Variants in ANKFN1 observed in about 807,000 individuals in gnomAD.
ANKFN1 encodes ankyrin repeat and fibronectin type III domain containing 1.
In ANKFN1, 74 loss-of-function variants were observed where a neutral mutation model predicts 108.7. The ratio of observed to expected loss-of-function variants is 0.68; its 90% CI spans 0.56 to 0.83. The LOEUF (loss-of-function observed/expected upper bound fraction) is 0.83. Among genes scored for constraint, ANKFN1 ranks in the 40% least tolerant of loss-of-function variants. The pLI, the probability that ANKFN1 is intolerant of heterozygous loss-of-function variation, is 0.00. For missense variants in ANKFN1, 1,505 were observed against 1,382.3 expected (o/e 1.09, Z -1.41); for synonymous variants, 547 against 516.2 (o/e 1.06, Z -0.81).
intron 4 of ANKFN1, among the ~76,000 whole-genome samples, chr17:56,072,840 A>C (rs1468076105): frequency 1.3e-5 from 2 of 152,170 alleles, no homozygotes; most frequent in African/African-American, 2.4e-5. Flanking sequence ...GGGAAAGGGA[A>C]AGGAATATGT....
intron 4 of ANKFN1, among the ~76,000 whole-genome samples, chr17:56,081,908 G>A (rs1440038850): frequency 6.6e-6 from 1 of 152,178 alleles, no homozygotes; most frequent in Non-Finnish European, 1.5e-5. Context: ...CTCTTAGTGG[G>A]CGTGTGTGAG....
At chr17:56,264,592 A>G (rs768933685) in intron 3 of ANKFN1, among the ~76,000 whole-genome samples, 3 of 152,278 alleles carry the variant, frequency 2.0e-5, no homozygotes, top group African/African-American at 4.8e-5. Flanking sequence ...CTCAAAGTCA[A>G]TGAGTTCTCA....
At chr17:56,346,756 T>C (rs2046113268) in intron 4 of ANKFN1, among the ~76,000 whole-genome samples, 1 of 152,004 alleles carries the variant, frequency 6.6e-6, no homozygotes, top group Non-Finnish European at 1.5e-5. Context: ...TTTGAATCTT[T>C]ATGTGAAATT....
intron 18 of ANKFN1, among the ~76,000 whole-genome samples, chr17:56,483,636 T>C (rs2050777088): frequency 2.6e-5 from 4 of 152,236 alleles, no homozygotes; most frequent in Non-Finnish European, 4.4e-5. Flanking sequence ...GGATTCCCTA[T>C]TGTGTGACAC....
At chr17:56,229,646 T>G (rs944957545) in intron 3 of ANKFN1, among the ~76,000 whole-genome samples, 1 of 127,562 alleles carries the variant, frequency 7.8e-6, no homozygotes, top group Non-Finnish European at 1.6e-5. Flanking sequence ...AAAGCACCCG[T>G]TACCTTTCAG....
intron 6 of ANKFN1, among the ~76,000 whole-genome samples, chr17:56,370,964 G>A (rs2046796282): frequency 6.7e-6 from 1 of 149,978 alleles, no homozygotes; most frequent in Non-Finnish European, 1.5e-5. Context: ...TTTTTCTCCA[G>A]AACCTCTGCG....
intron 4 of ANKFN1, among the ~76,000 whole-genome samples, chr17:56,063,787 C>G (rs1905016824): frequency 6.6e-6 from 1 of 152,072 alleles, no homozygotes; most frequent in Non-Finnish European, 1.5e-5. Flanking sequence ...GTTCTGTGCT[C>G]TTGCTGGAGA....
chr17:56,101,054 A>C (rs1567786875), intron 4 of ANKFN1, among the ~76,000 whole-genome samples: 1 of 151,614 alleles, frequency 6.6e-6, no homozygotes, highest in South Asian at 2.1e-4. Context: ...ATCCACCTGC[A>C]CCCCCACTTT....
intron 15 of ANKFN1, among the ~76,000 whole-genome samples, chr17:56,467,802 G>GAGAA (rs2050160885): frequency 1.6e-4 from 5 of 31,296 alleles, no homozygotes; most frequent in African/African-American, 4.5e-4. Flanking sequence ...AAGAAAGAAA[G>GAGAA]AAAGAAAGAA....
chr17:56,450,675 A>G (rs1430579384), intron 11 of ANKFN1, among the ~76,000 whole-genome samples: 3 of 152,084 alleles, frequency 2.0e-5, no homozygotes, highest in Non-Finnish European at 2.9e-5. Context: ...TTTCCATCAC[A>G]TCCCTGCCCA....
rs183095880 is a variant in ANKFN1, at chr17:56,516,384, A to T, written c.*5115A>T. ...GCTTCCTTCCTAATGTGTACATAGC[A>T]ATCTGGCTGATTATTGGTTGTTACT... On this transcript the variant is annotated 3_prime_UTR_variant, in exon 21 of 21. Transcript: ENST00000682825. Among the ~76,000 whole-genome samples, 36 of 152,278 alleles carry T rather than the reference A, an allele frequency of 2.4e-4. No individual in the cohort carries two copies. Among genetic ancestry groups the T allele is most frequent in the African/African-American group, 8.7e-4 (36 of 41,538 alleles).
intron 4 of ANKFN1, among the ~76,000 whole-genome samples, chr17:56,063,625 G>A (rs1905013755): frequency 6.6e-6 from 1 of 151,596 alleles, no homozygotes; most frequent in Admixed American, 6.6e-5. Context: ...CTCTAAAATG[G>A]TTACTGTAGT....
intron 8 of ANKFN1, among the ~76,000 whole-genome samples, chr17:56,408,615 A>G (rs1199542175): frequency 6.6e-6 from 1 of 152,188 alleles, no homozygotes; most frequent in Non-Finnish European, 1.5e-5. Flanking sequence ...CAGAGATACT[A>G]AGGTTAGATT....
chr17:56,289,851 T>C (rs879867888), intron 3 of ANKFN1, among the ~76,000 whole-genome samples: 7 of 152,230 alleles, frequency 4.6e-5, no homozygotes, highest in Non-Finnish European at 1.0e-4. Context: ...GCCATAGTGC[T>C]GCCTTAAGGA....
intron 4 of ANKFN1, among the ~76,000 whole-genome samples, chr17:56,335,991 G>T (rs1048020050): frequency 6.6e-6 from 1 of 152,192 alleles, no homozygotes; most frequent in Non-Finnish European, 1.5e-5. Context: ...TTTTGTCGTT[G>T]GTTCTGTTTA....
chr17:56,257,226 A>C (rs1462367580), intron 3 of ANKFN1, among the ~76,000 whole-genome samples: 1 of 152,146 alleles, frequency 6.6e-6, no homozygotes, highest in East Asian at 1.9e-4. Flanking sequence ...TGGTACTTGG[A>C]GTAGAGATGT....
At position 56,511,275 on chromosome 17, in the gene ANKFN1, C is replaced by T; in HGVS notation, c.*6C>T. 6.6e-7 allele frequency: 1 copy of T among 1,505,774 alleles called. No individual in the cohort carries two copies. The highest frequency in any genetic ancestry group is 8.9e-7 in the Non-Finnish European group (1 of 1,128,732). The allele number at this position is 1,505,774 out of a possible 1,614,324, so 93.3% of individuals were successfully genotyped here. ...TACTCAGCAGCATGCTTTAGGGAGG[C>T]CCATCCCGGCTGTCCACCCCTCCAT... On this transcript the variant is annotated 3_prime_UTR_variant, in exon 21 of 21. Transcript: ENST00000682825.
chr17:56,056,723 A>G (rs961750573), intron 4 of ANKFN1, among the ~76,000 whole-genome samples: 8 of 152,268 alleles, frequency 5.3e-5, no homozygotes, highest in African/African-American at 1.7e-4. Context: ...TAAAAATCCT[A>G]GAAGAAAACT....
chr17:56,260,401 G>A (rs964732223), intron 3 of ANKFN1, among the ~76,000 whole-genome samples: 3 of 151,872 alleles, frequency 2.0e-5, no homozygotes, highest in Non-Finnish European at 4.4e-5. Flanking sequence ...ATTAAAAATC[G>A]GTGGTGGTGG....
Sources: allele counts gnomAD v4.1 joint callset (sites outside exome capture counted in the v4.1 genomes callset), GRCh38; gene constraint gnomAD v4.1.1; transcripts MANE v1.5; gene names NCBI Gene and HGNC (gene_info 2026-07-23, HGNC 2026-07-21).